AGBL5: variants seen among roughly 807,000 people sequenced by gnomAD.
The protein encoded by AGBL5 is cytosolic carboxypeptidase-like protein 5.
A neutral mutation model predicts 88.0 loss-of-function variants in AGBL5; 51 were observed. The ratio of observed to expected loss-of-function variants is 0.58; its 90% CI spans 0.46 to 0.73. AGBL5 has a LOEUF of 0.73. Among genes scored for constraint, AGBL5 ranks in the 30% least tolerant of loss-of-function variants. The pLI, the probability that AGBL5 is intolerant of heterozygous loss-of-function variation, is 0.00. For missense variants in AGBL5, 1,031 were observed against 1,162.2 expected (o/e 0.89, Z 1.64); for synonymous variants, 446 against 438.8 (o/e 1.02, Z -0.21).
At chr2:27,060,430 T>C (rs1320515007) in intron 11 of AGBL5, among the ~76,000 whole-genome samples, 1 of 151,898 alleles carries the variant, frequency 6.6e-6, no homozygotes, top group African/African-American at 2.4e-5. Flanking sequence ...GGGGGAGAGA[T>C]TGTTATAGTG....
In AGBL5 at chr2:27,062,733, A is replaced by G. The variant is rs562062511; in HGVS notation, c.2089+3329A>G. ...GCCAAAGAATGTTCAGTTAAGAAAT[A>G]ATTTGAAAAATAGGTAAGACATAGT... On this transcript the variant is annotated intron_variant, in intron 11 of 14. Transcript: ENST00000360131. 216 of 152,364 alleles carry G rather than the reference A, an allele frequency of 1.4e-3. 1 individual carries two copies. Among genetic ancestry groups the G allele is most frequent in the African/African-American group, 4.8e-3 (201 of 41,588 alleles). The allele number at this position is 152,364 out of a possible 1,614,324, so 9.4% of individuals were successfully genotyped here.
In AGBL5 at chr2:27,056,626, G is replaced by A; in HGVS notation, c.1369G>A (p.Glu457Lys). The A allele has an allele frequency of 1.3e-6, 2 of 1,596,766 alleles. No homozygotes were observed. Among genetic ancestry groups the A allele is most frequent in the Non-Finnish European group, 1.7e-6 (2 of 1,167,964 alleles). Reference sequence around the variant, plus strand: ...TTGACTTTTCTTCCCCAAACAGGTGGAAAACATGCTATATCCAAAGCTCAT... The same window carrying A: ...TTGACTTTTCTTCCCCAAACAGGTGAAAAACATGCTATATCCAAAGCTCAT... Reference protein sequence around the residue: ...NSFSDESTQVENMLYPKLISL... With the variant: ...NSFSDESTQVKNMLYPKLISL... The change falls in exon 8 of 15, where the codon GAA becomes AAA. Residue 457 changes from glutamate (E) to lysine (K), a missense_variant. Physicochemically the swap from Glu to Lys is moderately conservative, Grantham distance 56. This residue lies in a region of AGBL5 where 540 missense variants were observed against 678.2 expected (regional missense o/e 0.80). Transcript: ENST00000360131.
Position 27,069,628 on chromosome 2 carries a change from C to T in AGBL5, c.2411C>T (p.Ser804Phe). Reference protein sequence around the residue: ...SPPTRRGMKGSSGPTSPTPRT... With the variant: ...SPPTRRGMKGFSGPTSPTPRT... ...CCGACTCGCAGAGGGATGAAAGGCT[C>T]TTCAGGCCCCACATCCCCTACCCCC... The change falls in exon 14 of 15, where the codon TCT becomes TTT. Residue 804 changes from serine to phenylalanine, a missense_variant. This residue lies in a region of AGBL5 where 491 missense variants were observed against 484.0 expected (regional missense o/e 1.01). Transcript: ENST00000360131. The T allele has an allele frequency of 1.9e-6, 3 of 1,614,188 alleles. No individual in the cohort carries two copies. Among genetic ancestry groups the T allele is most frequent in the Non-Finnish European group, 2.5e-6 (3 of 1,180,016 alleles).
intron 13 of AGBL5, 178 bp downstream of exon 13, chr2:27,068,922 C>A: frequency 6.7e-7 from 1 of 1,495,596 alleles, no homozygotes; most frequent in South Asian, 1.3e-5. Flanking sequence ...TGCCCTCCAC[C>A]ATCCCCATCA....
At position 27,059,248 on chromosome 2, in the gene AGBL5, G is replaced by A. The variant is rs749953365; in HGVS notation, c.1933G>A (p.Gly645Ser). The A allele has an allele frequency of 3.7e-5, 59 of 1,614,180 alleles. No individual in the cohort carries two copies. The highest frequency in any genetic ancestry group is 5.3e-5 in the African/African-American group (4 of 75,050). The stretch of plus-strand genomic sequence containing the variant: ...GAGTCGGGCACGAAGTTTTAGCACC[G>A]GCACAAGTGCCGGTGGTAGCAGCAG... ...TLSRARSFST[G>S]TSAGGSSSSQ... is the part of the protein sequence containing the mutation. The change falls in exon 11 of 15, where the codon GGC becomes AGC. Residue 645 changes from glycine to serine, a missense_variant. By Grantham distance (56) the Gly-to-Ser change is moderately conservative. This residue lies in a region of AGBL5 where 491 missense variants were observed against 484.0 expected (regional missense o/e 1.01). Coordinates refer to ENST00000360131, the MANE Select transcript of AGBL5 (RefSeq NM_021831.6).
Position 27,064,847 on chromosome 2 carries a change from G to A in AGBL5, c.2090-2647G>A, listed in dbSNP as rs13021641. 4.9e-3 allele frequency among the ~76,000 whole-genome samples: 690 copies of A among 141,222 alleles called. 2 individuals carry two copies. Among genetic ancestry groups the A allele is most frequent in the Admixed American group, 8.1e-3 (106 of 13,020 alleles). The allele number at this position is 141,222 out of a possible 152,430, so 92.6% of individuals were successfully genotyped here. ...CAGCTCACTGCAATCTCCGCTTCCC[G>A]AGTTCAGGTGATTCTCCTGCCTCAG... On this transcript the variant is annotated intron_variant, in intron 11 of 14. Transcript: ENST00000360131.
At chr2:27,069,209 T>C in intron 13 of AGBL5, 3 of 1,350,164 alleles carry the variant, frequency 2.2e-6, no homozygotes, top group Non-Finnish European at 2.9e-6. Context: ...ATGGGTGAAG[T>C]GTACACTGCT....
At position 27,068,648 on chromosome 2, in the gene AGBL5, C is replaced by T. The variant is rs1669113453; in HGVS notation, c.2259C>T (p.Leu753=). 6.2e-7 allele frequency: 1 copy of T among 1,614,060 alleles called. No individual in the cohort carries two copies. The highest frequency in any genetic ancestry group is 1.7e-5 in the Admixed American group (1 of 60,018). ...GTTCCCTAGGGAGCAGTTGCTCACT[C>T]TTGTCCTCTGGAGACAAACCAGAGG... ...SFNIPGSSCS[L]LSSGDKPEAV... The change falls in exon 13 of 15, where the codon CTC becomes CTT. Residue 753 remains leucine (L), a synonymous_variant. Transcript: ENST00000360131.
upstream of AGBL5, chr2:27,050,971 T>C (rs1013375175): frequency 1.3e-5 from 2 of 152,264 alleles, no homozygotes; most frequent in African/African-American, 4.8e-5. Flanking sequence ...CGTCAGTCCA[T>C]AGGGAACACC....
rs750064297 is a variant in AGBL5, at chr2:27,056,023, C to G, written c.1250C>G (p.Pro417Arg). The change falls in exon 7 of 15, where the codon CCT (proline) becomes CGT (arginine). Residue 417 changes from proline (P) to arginine (R), a missense_variant. Around this residue, in one of 2 missense-constraint regions of AGBL5, gnomAD observed 540 missense variants for 678.2 expected, o/e 0.80. Transcript: ENST00000360131. ...TCTGCGGGGCTTGAAGAGTCAGCCC[C>G]TGATACCATCCCCCCCAAAGAGAGT... ...QQSAGLEESAPDTIPPKESGV... is the reference protein window; with the variant it reads ...QQSAGLEESARDTIPPKESGV... The G allele has an allele frequency of 6.2e-7, 1 of 1,614,090 alleles. No individual in the cohort carries two copies. The highest frequency in any genetic ancestry group is 1.1e-5 in the South Asian group (1 of 91,088).
chr2:27,055,614 A>G (rs1037296940), intron 6 of AGBL5, 68 bp from the exon 7 acceptor site: 4 of 1,424,734 alleles, frequency 2.8e-6, no homozygotes, highest in Admixed American at 2.0e-5. Context: ...TCTCCTTTTC[A>G]TCTACACTAG....
intron 6 of AGBL5, 97 bp from the exon 7 acceptor site, chr2:27,055,585 A>G (rs1181350553): frequency 1.2e-5 from 14 of 1,133,760 alleles, no homozygotes; most frequent in East Asian, 4.8e-5. Context: ...CTCTCATTTG[A>G]TAAGTCAGTC....
rs919792404 is a variant in AGBL5 at position 27,068,653 on chromosome 2, C to T, written c.2264C>T (p.Ser755Phe). 6.2e-7 allele frequency: 1 copy of T among 1,613,980 alleles called. No homozygotes were observed. The highest frequency in any genetic ancestry group is 8.5e-7 in the Non-Finnish European group (1 of 1,180,016). ...CTAGGGAGCAGTTGCTCACTCTTGT[C>T]CTCTGGAGACAAACCAGAGGCTGTC... The part of the protein sequence containing the change: ...NIPGSSCSLL[S>F]SGDKPEAVMV... Residue 755 changes from serine (S) to phenylalanine (F), a missense_variant, in exon 13 of 15, where the codon TCC becomes TTC. Around this residue, in one of 2 missense-constraint regions of AGBL5, gnomAD observed 491 missense variants for 484.0 expected, o/e 1.01. Coordinates refer to ENST00000360131, the MANE Select transcript of AGBL5 (RefSeq NM_021831.6).
At chr2:27,063,978 C>A (rs1238281183) in intron 11 of AGBL5, among the ~76,000 whole-genome samples, 2 of 152,172 alleles carry the variant, frequency 1.3e-5, no homozygotes, top group African/African-American at 2.4e-5. Flanking sequence ...TTGCTTTTAC[C>A]CTTTCCTGGG....
At chr2:27,066,228 T>C (rs1312246878) in intron 11 of AGBL5, among the ~76,000 whole-genome samples, 1 of 100,708 alleles carries the variant, frequency 9.9e-6, no homozygotes, top group Non-Finnish European at 1.9e-5. Flanking sequence ...AGTGAGACCC[T>C]GTCTCCAAAA....
Position 27,058,395 on chromosome 2 carries a change from C to G in AGBL5, c.1672-5C>G. ...CATGCTGAGCCAAACTGGACTACCC[C>G]ACAGGTGGGACGAGCTATGGCCATT... On this transcript the variant is annotated splice_region_variant and splice_polypyrimidine_tract_variant and intron_variant, in intron 9 of 14. Transcript: ENST00000360131. 3 of 1,612,690 alleles carry G rather than the reference C, an allele frequency of 1.9e-6. No homozygotes were observed. The highest frequency in any genetic ancestry group is 2.2e-5 in the South Asian group (2 of 90,998).
At chr2:27,069,165 T>C in intron 13 of AGBL5, 1 of 1,341,090 alleles carries the variant, frequency 7.5e-7, no homozygotes, top group Non-Finnish European at 9.8e-7. Context: ...ATCCCCATGC[T>C]AGGTAAAGCT....
rs373154843 is a variant in AGBL5, at chr2:27,059,324, A to C, written c.2009A>C (p.His670Pro). 1 of 1,614,036 alleles carries C rather than the reference A, an allele frequency of 6.2e-7. No homozygotes were observed. Among genetic ancestry groups the C allele is most frequent in the Non-Finnish European group, 8.5e-7 (1 of 1,180,026 alleles). Residue 670 changes from histidine (H) to proline (P), a missense_variant, in exon 11 of 15, where the codon CAT (histidine) becomes CCT (proline). Around this residue, in one of 2 missense-constraint regions of AGBL5, gnomAD observed 491 missense variants for 484.0 expected, o/e 1.01. Transcript: ENST00000360131. The part of the protein sequence containing the change: ...QMKNSPSFPF[H>P]GSRPAGLPGL... ...AAGAATTCCCCCAGCTTTCCTTTTC[A>C]TGGCAGTCGGCCTGCAGGGCTGCCA...
chr2:27,054,774 C>T lies in AGBL5; in HGVS notation c.696C>T (p.Ser232=). 1 of 1,613,492 alleles carries T rather than the reference C, an allele frequency of 6.2e-7. No individual in the cohort carries two copies. Among genetic ancestry groups the T allele is most frequent in the South Asian group, 1.1e-5 (1 of 91,044 alleles). ...TAGAGCAGCTATTTCCTGATACCAGCACCCCTCGACCATTCCGTTTCGCAG... is the reference window on the plus strand; with the variant it reads ...TAGAGCAGCTATTTCCTGATACCAGTACCCCTCGACCATTCCGTTTCGCAG... ...PRLEQLFPDT[S]TPRPFRFAGK... The change falls in exon 5 of 15, where the codon AGC becomes AGT. Residue 232 remains serine, a synonymous_variant. Transcript: ENST00000360131.
Sources: allele counts gnomAD v4.1 joint callset (sites outside exome capture counted in the v4.1 genomes callset), GRCh38; gene constraint gnomAD v4.1.1; regional missense constraint gnomAD v4.1.1; transcripts MANE v1.5; gene names NCBI Gene and HGNC (gene_info 2026-07-23, HGNC 2026-07-21).